CLVS2: variants seen among roughly 807,000 people sequenced by gnomAD.
CLVS2 encodes clavesin 2, also known as clavesin-2.
Under a neutral mutation model 29.0 loss-of-function variants are expected in CLVS2, and 19 were observed. That is an observed-to-expected ratio of 0.66 (90% CI 0.46 to 0.96). CLVS2 has a LOEUF of 0.96. Among genes scored for constraint, CLVS2 ranks in the 40% least tolerant of loss-of-function variants. CLVS2 has a pLI of 0.00. For missense variants in CLVS2, 294 were observed against 404.1 expected (o/e 0.73, Z 2.34); for synonymous variants, 161 against 151.3 (o/e 1.06, Z -0.47).
chr6:122,996,534 G>C lies in CLVS2; in HGVS notation c.-772G>C, dbSNP rs1210171849. The C allele has an allele frequency of 6.5e-6, 1 of 152,834 alleles. No homozygotes were observed. Among genetic ancestry groups the C allele is most frequent in the Non-Finnish European group, 1.5e-5 (1 of 68,216 alleles). 9.5% of individuals were successfully genotyped at this position (152,834 alleles called of 1,614,324 possible). ...CTGCGATCCTCACCCCTCCTGCTAG[G>C]AGAGGCTGCGGGCTGCCCGCGGACG... On this transcript the variant is annotated 5_prime_UTR_variant, in exon 1 of 6. Coordinates refer to ENST00000275162, the MANE Select transcript of CLVS2 (RefSeq NM_001010852.4).
At chr6:123,054,958 G>T (rs1772671836) in intron 4 of CLVS2, among the ~76,000 whole-genome samples, 1 of 152,056 alleles carries the variant, frequency 6.6e-6, no homozygotes, top group Non-Finnish European at 1.5e-5. Context: ...ACTGGGAATT[G>T]GATACTGAAT....
chr6:123,027,555 C>T (rs1775022370), intron 3 of CLVS2, among the ~76,000 whole-genome samples: 1 of 152,118 alleles, frequency 6.6e-6, no homozygotes. Context: ...TTAGCCTGCC[C>T]CTGTTCAGTC....
chr6:123,058,227 T>G (rs1772723735), intron 5 of CLVS2, among the ~76,000 whole-genome samples: 1 of 152,160 alleles, frequency 6.6e-6, no homozygotes. Flanking sequence ...AGTCTATATA[T>G]AGTGGAGCAG....
chr6:123,019,506 A>G (rs1562166054), intron 3 of CLVS2, among the ~76,000 whole-genome samples: 1 of 151,872 alleles, frequency 6.6e-6, no homozygotes. Context: ...GGCGATTTCT[A>G]TTTTTTTGTA....
chr6:123,031,245 G>A (rs1285790725), intron 3 of CLVS2, among the ~76,000 whole-genome samples: 1 of 152,020 alleles, frequency 6.6e-6, no homozygotes. Flanking sequence ...TTCTAGGATT[G>A]CAGGGGTGAG....
At chr6:123,015,652 T>C (rs1774821011) in intron 3 of CLVS2, among the ~76,000 whole-genome samples, 1 of 152,122 alleles carries the variant, frequency 6.6e-6, no homozygotes, top group African/African-American at 2.4e-5. Context: ...AGGTGAAATT[T>C]ATTTATTGGA....
In CLVS2 at chr6:123,064,763, A is replaced by C. The variant is rs780811097; in HGVS notation, c.*1002A>C. 6.6e-6 allele frequency: 1 copy of C among 151,872 alleles called. No homozygotes were observed. The highest frequency in any genetic ancestry group is 1.5e-5 in the Non-Finnish European group (1 of 67,862). 9.4% of individuals were successfully genotyped at this position (151,872 alleles called of 1,614,324 possible). ...CTTATAAAATAAATCATAGATATTC[A>C]ATGATCTTATGGATAATTACATGAG... On this transcript the variant is annotated 3_prime_UTR_variant, in exon 6 of 6. Transcript: ENST00000275162.
intron 3 of CLVS2, among the ~76,000 whole-genome samples, chr6:123,045,958 GGTGT>G (rs1363662156): frequency 6.6e-6 from 1 of 152,184 alleles, no homozygotes; most frequent in African/African-American, 2.4e-5. Flanking sequence ...GGCCACAGTA[GGTGT>G]GTGGGAGAGA....
chr6:123,015,083 A>C (rs555655722), intron 3 of CLVS2, among the ~76,000 whole-genome samples: 1 of 152,214 alleles, frequency 6.6e-6, no homozygotes, highest in South Asian at 2.1e-4. Flanking sequence ...TCAGAGCAAC[A>C]TTGGGGAAGT....
At chr6:123,039,751 T>A (rs1775202102) in intron 3 of CLVS2, among the ~76,000 whole-genome samples, 1 of 152,208 alleles carries the variant, frequency 6.6e-6, no homozygotes, top group South Asian at 2.1e-4. Flanking sequence ...AGAGAGATCT[T>A]CTTGCCCATT....
At chr6:123,021,756 G>C (rs1456056537) in intron 3 of CLVS2, among the ~76,000 whole-genome samples, 1 of 152,104 alleles carries the variant, frequency 6.6e-6, no homozygotes, top group Non-Finnish European at 1.5e-5. Context: ...GCATCACTCA[G>C]ATGGGGATGA....
rs1222000111 is a variant in CLVS2 at position 122,997,852 on chromosome 6, C to T, written c.75C>T (p.Asp25=). 6.2e-6 allele frequency: 10 copies of T among 1,614,198 alleles called. No homozygotes were observed. The highest frequency in any genetic ancestry group is 8.5e-6 in the Non-Finnish European group (10 of 1,180,034). ...KARLELNENP[D]TLHQDIQEVR... ...GCCTGGAGCTCAATGAAAACCCAGA[C>T]ACGCTGCACCAGGACATCCAGGAGG... Residue 25 remains aspartate, a synonymous_variant, in exon 2 of 6, where the codon GAC becomes GAT. Transcript: ENST00000275162.
chr6:122,997,023 A>T (rs1774519453), intron 1 of CLVS2, among the ~76,000 whole-genome samples, 196 bp from the exon 2 acceptor site: 1 of 152,126 alleles, frequency 6.6e-6, no homozygotes, highest in Non-Finnish European at 1.5e-5. Context: ...CTGGTGCCTT[A>T]TGAGATCACG....
chr6:123,005,288 C>T (rs1774651135), intron 2 of CLVS2, among the ~76,000 whole-genome samples: 1 of 152,118 alleles, frequency 6.6e-6, no homozygotes. Context: ...ACCTAGAAGG[C>T]TTCATCAGCT....
chr6:123,036,217 T>A (rs1775151625), intron 3 of CLVS2, among the ~76,000 whole-genome samples: 1 of 152,134 alleles, frequency 6.6e-6, no homozygotes. Flanking sequence ...GAAGCTTTAT[T>A]TGTTGGAGGA....
intron 3 of CLVS2, among the ~76,000 whole-genome samples, chr6:123,029,440 T>C (rs919674185): frequency 3.0e-4 from 46 of 152,146 alleles, no homozygotes; most frequent in African/African-American, 1.1e-3. Context: ...AGAAAGAAAA[T>C]GCATCGTTGG....
Position 123,066,240 on chromosome 6 carries a change from T to A in CLVS2, c.*2479T>A, listed in dbSNP as rs976339394. Reference sequence around the variant, plus strand: ...TTAGGAATTTTTCCCTTCATGATATTCTGTGTCACATCCTATGTCTATGAA... The same window carrying A: ...TTAGGAATTTTTCCCTTCATGATATACTGTGTCACATCCTATGTCTATGAA... On this transcript the variant is annotated 3_prime_UTR_variant, in exon 6 of 6. Transcript: ENST00000275162. 6.6e-6 allele frequency: 1 copy of A among 151,734 alleles called. No individual in the cohort carries two copies. The highest frequency in any genetic ancestry group is 1.5e-5 in the Non-Finnish European group (1 of 67,740). 9.4% of individuals were successfully genotyped at this position (151,734 alleles called of 1,614,324 possible).
At position 123,008,172 on chromosome 6, in the gene CLVS2, G is replaced by C. The variant is rs536109573; in HGVS notation, c.390-2813G>C. 1.4e-3 allele frequency among the ~76,000 whole-genome samples: 209 copies of C among 152,168 alleles called. 2 individuals are homozygous for C. Among genetic ancestry groups the C allele is most frequent in the Non-Finnish European group, 2.5e-3 (171 of 67,972 alleles). On this transcript the variant is annotated intron_variant, in intron 2 of 5. Coordinates refer to ENST00000275162, the MANE Select transcript of CLVS2 (RefSeq NM_001010852.4). ...CCTGCCCATTGAATGGAGTTAGCTA[G>C]TGTATTTTTATGTTTCTTTTTCTAA...
In CLVS2 at chr6:123,067,926, A is replaced by C. The variant is rs887710219; in HGVS notation, c.*4165A>C. ...CTGGAACTATTTGACATTATTTGCT[A>C]CATGAAAAAAGGCAAATAAGTAAAC... On this transcript the variant is annotated 3_prime_UTR_variant, in exon 6 of 6. Coordinates refer to ENST00000275162, the MANE Select transcript of CLVS2 (RefSeq NM_001010852.4). 12 of 151,752 alleles carry C rather than the reference A, an allele frequency of 7.9e-5. No homozygotes were observed. The highest frequency in any genetic ancestry group is 2.6e-4 in the Admixed American group (4 of 15,202). The allele number at this position is 151,752 out of a possible 1,614,324, so 9.4% of individuals were successfully genotyped here. A position where few individuals can be genotyped will look rare whatever the true frequency, so the allele number is the denominator to read the frequency against.
Sources: allele counts gnomAD v4.1 joint callset (sites outside exome capture counted in the v4.1 genomes callset), GRCh38; gene constraint gnomAD v4.1.1; transcripts MANE v1.5; gene names NCBI Gene and HGNC (gene_info 2026-07-23, HGNC 2026-07-21).